AGAP1: variants seen among roughly 807,000 people sequenced by gnomAD.
The protein encoded by AGAP1 is ArfGAP with GTPase domain, ankyrin repeat and PH domain 1.
In AGAP1, 29 loss-of-function variants were observed where a neutral mutation model predicts 105.3. That is an observed-to-expected ratio of 0.28 (90% CI 0.21 to 0.38). The LOEUF (loss-of-function observed/expected upper bound fraction) is 0.38, where lower values mean the gene tolerates loss of function less well. AGAP1 is among the 10% of genes least tolerant of loss of function. AGAP1 has a pLI of 1.00. For synonymous variants in AGAP1, 509 were observed against 485.9 expected, an observed-to-expected ratio of 1.05 and a Z score of -0.63; for missense variants, 998 against 1,165.1, an observed-to-expected ratio of 0.86 and a Z score of 2.09.
rs1339572822 is a variant in AGAP1 at position 235,875,669 on chromosome 2, T to A, written c.1051-7676T>A. Among the ~76,000 whole-genome samples the A allele has an allele frequency of 2.0e-5, 3 of 152,144 alleles. No homozygotes were observed. Among genetic ancestry groups the A allele is most frequent in the Non-Finnish European group, 4.4e-5 (3 of 68,024 alleles). ...GGAGTGTGTGGTCTCCTGTTTCCCA[T>A]CTGCATTTGCTTATGGGGCGCCATG... On this transcript the variant is annotated intron_variant, in intron 9 of 17. Transcript: ENST00000304032. This position sits in a 1 kb window ranked among gnomAD's most constrained non-coding sequence, Gnocchi z 4.0.
chr2:235,591,098 C>T (rs1945324662), intron 1 of AGAP1, among the ~76,000 whole-genome samples: 1 of 152,076 alleles, frequency 6.6e-6, no homozygotes, highest in Non-Finnish European at 1.5e-5. Context: ...TCACTGCAAC[C>T]TCTGCCTTCC....
rs2125918712 is a variant in AGAP1, at chr2:236,105,435, A to C, written c.2115-14757A>C. Among the ~76,000 whole-genome samples, 1 of 152,172 alleles carries C rather than the reference A, an allele frequency of 6.6e-6. No individual in the cohort carries two copies. The highest frequency in any genetic ancestry group is 1.9e-4 in the East Asian group (1 of 5,158). On this transcript the variant is annotated intron_variant, in intron 16 of 17. Coordinates refer to ENST00000304032, the MANE Select transcript of AGAP1 (RefSeq NM_001037131.3). The surrounding 1 kb of genome is among the most constrained non-coding windows in gnomAD (Gnocchi z 4.2). ...CACACTTCTGAGGAATGGGAAGTCC[A>C]AGGTCAAGGTGTTGGCTGATTCATT...
chr2:235,552,739 G>A lies in AGAP1; in HGVS notation c.163+57890G>A, dbSNP rs7581943. 2.0e-5 allele frequency among the ~76,000 whole-genome samples: 3 copies of A among 152,156 alleles called. No homozygotes were observed. Among genetic ancestry groups the A allele is most frequent in the African/African-American group, 7.2e-5 (3 of 41,490 alleles). On this transcript the variant is annotated intron_variant, in intron 1 of 17. Transcript: ENST00000304032. The surrounding 1 kb of genome is among the most constrained non-coding windows in gnomAD (Gnocchi z 5.9). Reference sequence around the variant, plus strand: ...AGGAGAGTTCAGAGAGGTGAAGAGTGAGGAGAGAGCAGTGGCCAAAGTGGA... The same window carrying A: ...AGGAGAGTTCAGAGAGGTGAAGAGTAAGGAGAGAGCAGTGGCCAAAGTGGA...
rs1459551048 is a variant in AGAP1, at chr2:235,982,048, C to T, written c.1645+13425C>T. On this transcript the variant is annotated intron_variant, in intron 13 of 17. Transcript: ENST00000304032. The surrounding 1 kb of genome is among the most constrained non-coding windows in gnomAD (Gnocchi z 4.9). ...CCATAAAAACTTCTGACATTTTACC[C>T]GAGGCTGTGCTTCAGCAGATTGACA... is the stretch of plus-strand genomic sequence containing the variant. Among the ~76,000 whole-genome samples the T allele has an allele frequency of 1.3e-5, 2 of 152,144 alleles. No individual in the cohort carries two copies. The highest frequency in any genetic ancestry group is 4.8e-5 in the African/African-American group (2 of 41,436).
chr2:235,840,083 T>C (rs541601794), intron 9 of AGAP1, among the ~76,000 whole-genome samples: 1 of 152,254 alleles, frequency 6.6e-6, no homozygotes, highest in African/African-American at 2.4e-5. Flanking sequence ...CAGGTCATAT[T>C]GTGATCTTCC....
At position 235,977,530 on chromosome 2, in the gene AGAP1, C is replaced by T. The variant is rs542081471; in HGVS notation, c.1645+8907C>T. Among the ~76,000 whole-genome samples, 4 of 152,170 alleles carry T rather than the reference C, an allele frequency of 2.6e-5. No individual in the cohort carries two copies. Among genetic ancestry groups the T allele is most frequent in the African/African-American group, 9.6e-5 (4 of 41,506 alleles). On this transcript the variant is annotated intron_variant, in intron 13 of 17. Transcript: ENST00000304032. This position sits in a 1 kb window ranked among gnomAD's most constrained non-coding sequence, Gnocchi z 5.2. ...GTATGAGAGGTCCGCATCTCATGCA[C>T]GAGGGTGTTTTTCTCGGCCTCTGCA...
rs2125692461 is a variant in AGAP1 at position 236,044,090 on chromosome 2, G to A, written c.1891+3249G>A. The stretch of plus-strand genomic sequence containing the variant: ...GCTGAGCCTCTGGAGCTTTGGGGGT[G>A]CCTGTCTATAAAGGGATTCTGAGAG... On this transcript the variant is annotated intron_variant, in intron 15 of 17. Transcript: ENST00000304032. This position sits in a 1 kb window ranked among gnomAD's most constrained non-coding sequence, Gnocchi z 5.7. Among the ~76,000 whole-genome samples, 1 of 152,138 alleles carries A rather than the reference G, an allele frequency of 6.6e-6. No individual in the cohort carries two copies. Among genetic ancestry groups the A allele is most frequent in the East Asian group, 1.9e-4 (1 of 5,166 alleles).
chr2:235,928,590 G>C (rs1053432176), intron 11 of AGAP1, among the ~76,000 whole-genome samples: 2 of 152,196 alleles, frequency 1.3e-5, no homozygotes, highest in African/African-American at 2.4e-5. Flanking sequence ...GCCTTCCCAG[G>C]AGGAGAGCAG....
Position 235,750,414 on chromosome 2 carries a change from A to C in AGAP1, c.599A>C (p.Asn200Thr). The change falls in exon 6 of 18, where the codon AAC (asparagine) becomes ACC (threonine). Residue 200 changes from asparagine to threonine, a missense_variant. Around this residue, in one of 3 missense-constraint regions of AGAP1, gnomAD observed 735 missense variants for 833.4 expected, o/e 0.88. Coordinates refer to ENST00000304032, the MANE Select transcript of AGAP1 (RefSeq NM_001037131.3). The surrounding 1 kb of genome is among the most constrained non-coding windows in gnomAD (Gnocchi z 5.3). Reference protein sequence around the residue: ...IDDARARKLSNDLKRCTYYET... With the variant: ...IDDARARKLSTDLKRCTYYET... ...GACGCCAGGGCGAGGAAGCTCTCCA[A>C]CGACCTGAAACGGTGCACGTACTAC... 1 of 1,614,204 alleles carries C rather than the reference A, an allele frequency of 6.2e-7. No individual in the cohort carries two copies. Among genetic ancestry groups the C allele is most frequent in the Non-Finnish European group, 8.5e-7 (1 of 1,180,040 alleles).
intron 13 of AGAP1, among the ~76,000 whole-genome samples, chr2:236,011,716 C>G (rs1187658509): frequency 2.6e-5 from 4 of 152,116 alleles, no homozygotes; most frequent in Admixed American, 1.3e-4. Context: ...GAAAGTAGAA[C>G]AGGAATTTTA....
At chr2:235,780,102 G>A (rs1397735219) in intron 6 of AGAP1, among the ~76,000 whole-genome samples, 2 of 151,034 alleles carry the variant, frequency 1.3e-5, no homozygotes, top group Non-Finnish European at 2.9e-5. Flanking sequence ...TGACATTCCT[G>A]GGGGGGGCTG....
intron 16 of AGAP1, among the ~76,000 whole-genome samples, chr2:236,091,043 C>T (rs1344933976): frequency 6.6e-6 from 1 of 152,220 alleles, no homozygotes; most frequent in African/African-American, 2.4e-5. Flanking sequence ...CGGCCGTAAT[C>T]GTTCCTGGTA....
At chr2:236,048,877 C>T (rs76665383) in intron 15 of AGAP1, among the ~76,000 whole-genome samples, 182 bp from the exon 16 acceptor site, 12,711 of 152,316 alleles carry the variant, frequency 0.083, 551 homozygotes, top group East Asian at 0.19. Context: ...CTACTACCAA[C>T]GGCCAGTCAT....
chr2:235,671,162 G>C (rs1370302332), intron 1 of AGAP1: 1 of 1,180,538 alleles, frequency 8.5e-7, no homozygotes, highest in Non-Finnish European at 1.1e-6. Flanking sequence ...GAGCCTGCAC[G>C]TGGCCTCGAG....
intron 9 of AGAP1, among the ~76,000 whole-genome samples, chr2:235,833,168 G>A (rs116493373): frequency 0.051 from 7,816 of 152,298 alleles, 639 homozygotes; most frequent in African/African-American, 0.17. Context: ...GTTGGGTGCT[G>A]CAGGCGCTCT....
At chr2:235,730,957 G>T (rs569924013) in intron 3 of AGAP1, among the ~76,000 whole-genome samples, 1 of 152,198 alleles carries the variant, frequency 6.6e-6, no homozygotes, top group South Asian at 2.1e-4. Context: ...GAGCCTGCCT[G>T]CAGCTTACCC....
At chr2:235,495,184 G>A (rs527279232) in intron 1 of AGAP1, among the ~76,000 whole-genome samples, 1 of 152,144 alleles carries the variant, frequency 6.6e-6, no homozygotes, top group African/African-American at 2.4e-5. Flanking sequence ...CGGCGGGGTC[G>A]GCGCCACCCG....
Position 235,801,915 on chromosome 2 carries a change from T to G in AGAP1, c.957+2393T>G, listed in dbSNP as rs1293215609. On this transcript the variant is annotated intron_variant, in intron 8 of 17. Transcript: ENST00000304032. The surrounding 1 kb of genome is among the most constrained non-coding windows in gnomAD (Gnocchi z 6.0). ...AAAGTATCTTTAAAAATGAGACTATTTATAAGGAGAATACCAGCACCTTCC... is the reference window on the plus strand; with the variant it reads ...AAAGTATCTTTAAAAATGAGACTATGTATAAGGAGAATACCAGCACCTTCC... 1.3e-5 allele frequency among the ~76,000 whole-genome samples: 2 copies of G among 151,930 alleles called. No individual in the cohort carries two copies. Among genetic ancestry groups the G allele is most frequent in the East Asian group, 3.9e-4 (2 of 5,174 alleles).
At chr2:235,636,062 G>A (rs371478283) in intron 1 of AGAP1, among the ~76,000 whole-genome samples, 3 of 151,972 alleles carry the variant, frequency 2.0e-5, no homozygotes, top group Non-Finnish European at 4.4e-5. Flanking sequence ...GCAGTGAGCC[G>A]AGATCGTGCC....
Sources: gnomAD v4.1 joint callset for allele counts (sites outside exome capture counted in the v4.1 genomes callset) on GRCh38, gnomAD v4.1.1 for gene constraint, gnomAD v4.1.1 regional missense constraint, Gnocchi (gnomAD v3.1) non-coding constraint, MANE v1.5 for transcripts, NCBI Gene and HGNC (gene_info 2026-07-23, HGNC 2026-07-21) for gene names.